The following CENPE variants were observed in gnomAD, a reference collection of about 807,000 sequenced individuals.
CENPE encodes the protein centromere-associated protein E.
Under a neutral mutation model 336.1 loss-of-function variants are expected in CENPE, and 145 were observed. That is an observed-to-expected ratio of 0.43 (90% CI 0.38 to 0.50). The LOEUF is 0.50. CENPE is among the 20% of genes least tolerant of loss of function. The pLI is 0.00. For synonymous variants in CENPE, 1,013 were observed against 984.8 expected (o/e 1.03, Z -0.54); for missense variants, 2,719 against 3,023.3 (o/e 0.90, Z 2.36).
At chr4:103,134,024 G>A (rs1178245676) in intron 40 of CENPE, 132 bp from the exon 41 acceptor site, 14 of 664,986 alleles carry the variant, frequency 2.1e-5, no homozygotes, top group Middle Eastern at 4.0e-4. Flanking sequence ...GAGGAAAAGG[G>A]AAAGAGCTTC....
chr4:103,126,205 G>C (rs1231622967), intron 42 of CENPE, among the ~76,000 whole-genome samples: 3 of 152,138 alleles, frequency 2.0e-5, no homozygotes, highest in Non-Finnish European at 1.5e-5. Flanking sequence ...AGTCATCACA[G>C]TTAATATTGG....
At chr4:103,162,177 A>AT (rs1194007504) in intron 18 of CENPE, among the ~76,000 whole-genome samples, 6 of 152,190 alleles carry the variant, frequency 3.9e-5, no homozygotes, top group Non-Finnish European at 8.8e-5. Flanking sequence ...ATGAAATGGT[A>AT]TGAACCCCTT....
chr4:103,157,408 T>TA (rs1479194517), intron 24 of CENPE, among the ~76,000 whole-genome samples: 1 of 151,842 alleles, frequency 6.6e-6, no homozygotes, highest in Non-Finnish European at 1.5e-5. Flanking sequence ...AATTTACTCA[T>TA]AAAAAGGAAG....
intron 8 of CENPE, among the ~76,000 whole-genome samples, chr4:103,191,239 T>C (rs377018436): frequency 5.9e-5 from 9 of 152,196 alleles, no homozygotes; most frequent in Non-Finnish European, 1.3e-4. Flanking sequence ...GACAGTGTGG[T>C]GATTCCTCAG....
chr4:103,170,760 T>A (rs1755332364), intron 16 of CENPE, among the ~76,000 whole-genome samples: 1 of 152,148 alleles, frequency 6.6e-6, no homozygotes, highest in African/African-American at 2.4e-5. Flanking sequence ...TTGAATGGAT[T>A]AAAAAATCCA....
At chr4:103,122,758 T>C in intron 43 of CENPE, 113 bp downstream of exon 43, 1 of 753,112 alleles carries the variant, frequency 1.3e-6, no homozygotes, top group South Asian at 1.8e-5. Flanking sequence ...ATCAAGCCCA[T>C]CACTTACAAA....
At chr4:103,153,272 G>A (rs2125949903) in intron 24 of CENPE, 22 bp from the exon 25 acceptor site, 6 of 1,518,574 alleles carry the variant, frequency 4.0e-6, no homozygotes, top group Non-Finnish European at 5.4e-6. Context: ...ACACATTACA[G>A]AAGAATTTCT....
intron 24 of CENPE, among the ~76,000 whole-genome samples, chr4:103,153,604 A>G (rs1753735681): frequency 6.6e-6 from 1 of 152,226 alleles, no homozygotes; most frequent in Non-Finnish European, 1.5e-5. Context: ...ATAGGTTAAC[A>G]TGATTCTGCA....
chr4:103,160,547 T>A, intron 21 of CENPE, 78 bp downstream of exon 21: 1 of 1,232,398 alleles, frequency 8.1e-7, no homozygotes, highest in Non-Finnish European at 1.1e-6. Flanking sequence ...AAATAAACTA[T>A]ACCAAAATAT....
At chr4:103,131,219 T>C (rs764735381) in intron 42 of CENPE, among the ~76,000 whole-genome samples, 17 of 152,100 alleles carry the variant, frequency 1.1e-4, no homozygotes, top group Admixed American at 7.9e-4. Flanking sequence ...ATTCAAAGTA[T>C]ACAAACAATT....
chr4:103,106,441 C>A (rs973785232), intron 48 of CENPE, 125 bp from the exon 49 acceptor site: 2 of 573,760 alleles, frequency 3.5e-6, no homozygotes, highest in African/African-American at 3.7e-5. Context: ...CAACGTGATT[C>A]ACCGTGTTTG....
chr4:103,125,921 G>A (rs1219307289), intron 42 of CENPE, among the ~76,000 whole-genome samples: 1 of 146,030 alleles, frequency 6.8e-6, no homozygotes, highest in Non-Finnish European at 1.5e-5. Flanking sequence ...CAAAACAAAT[G>A]AAAAAAATCC....
chr4:103,164,711 C>CT (rs949100809), intron 16 of CENPE, among the ~76,000 whole-genome samples: 1 of 151,986 alleles, frequency 6.6e-6, no homozygotes, highest in African/African-American at 2.4e-5. Context: ...ATTTTACATT[C>CT]TTTTTTATAT....
At chr4:103,195,272 T>C (rs1757651118) in intron 4 of CENPE, 39 bp from the exon 5 acceptor site, 1 of 1,542,716 alleles carries the variant, frequency 6.5e-7, no homozygotes. Context: ...CCAGGAAGCA[T>C]CCAATTGTGA....
Position 103,184,587 on chromosome 4 carries a change from A to G in CENPE, c.745+1223T>C, listed in dbSNP as rs549732591. Among the ~76,000 whole-genome samples the G allele has an allele frequency of 2.6e-5, 4 of 152,286 alleles. No individual in the cohort carries two copies. The South Asian group carries it at 8.3e-4, about 32-fold the overall frequency. On this transcript the variant is annotated intron_variant, in intron 9 of 48. Transcript: ENST00000265148. ...CCAAATGGCTATCAATTAATGAATA[A>G]TCTATCTTTTCTTTACAAATTTGAA...
intron 45 of CENPE, 139 bp from the exon 46 acceptor site, chr4:103,114,691 T>TA: frequency 1.6e-6 from 1 of 620,850 alleles, no homozygotes; most frequent in Non-Finnish European, 2.8e-6. Context: ...GCCCTCGTGA[T>TA]ACCTCTCTGG....
intron 46 of CENPE, among the ~76,000 whole-genome samples, chr4:103,112,624 G>GTAAGTATATATGTGGATATATACTTA (rs1560587747): frequency 7.9e-6 from 1 of 126,730 alleles, no homozygotes; most frequent in African/African-American, 3.5e-5. Flanking sequence ...ATATATACTT[G>GTAAGTATATATGTGGATATATACTTA]TAAGTATATA....
chr4:103,182,647 A>G, intron 11 of CENPE, 115 bp downstream of exon 11: 1 of 766,992 alleles, frequency 1.3e-6, no homozygotes, highest in South Asian at 3.0e-5. Flanking sequence ...TAGACAACAT[A>G]TCGATTATAA....
Position 103,143,247 on chromosome 4 carries a change from C to A in CENPE, c.5304+1G>T. The A allele has an allele frequency of 6.4e-7, 1 of 1,574,122 alleles. No homozygotes were observed. The highest frequency in any genetic ancestry group is 1.2e-5 in the South Asian group (1 of 84,176). On this transcript the variant is annotated splice_donor_variant, in intron 34 of 48. Coordinates refer to ENST00000265148, the MANE Select transcript of CENPE (RefSeq NM_001813.3). LOFTEE classifies it high-confidence loss of function. Reference sequence around the variant, plus strand: ...ACTGAGATAACTTAAAAATAAAATACCTGTGCTTTTAAGGCATCATTTGAG... The same window carrying A: ...ACTGAGATAACTTAAAAATAAAATAACTGTGCTTTTAAGGCATCATTTGAG...
Sources: gnomAD v4.1 joint callset for allele counts (sites outside exome capture counted in the v4.1 genomes callset) on GRCh38, gnomAD v4.1.1 for gene constraint, MANE v1.5 for transcripts, NCBI Gene and HGNC (gene_info 2026-07-23, HGNC 2026-07-21) for gene names.